Variants in ASB13 observed in about 807,000 individuals in gnomAD.
The protein encoded by ASB13 is ankyrin repeat and SOCS box protein 13.
ASB13 carries 33 observed loss-of-function variants against 28.8 expected under a neutral mutation model. The ratio of observed to expected loss-of-function variants is 1.15; its 90% CI spans 0.87 to 1.53. The LOEUF is 1.53. ASB13 is among the 40% of genes most tolerant of loss of function. The probability of loss-of-function intolerance (pLI) is 0.00; values close to 1 mark genes in which losing one functional copy is unlikely to be tolerated. For synonymous variants in ASB13, 182 were observed against 172.9 expected (o/e 1.05, Z -0.41); for missense variants, 414 against 390.1 (o/e 1.06, Z -0.52).
chr10:5,658,896 C>A lies in ASB13; in HGVS notation c.44-5846G>T, dbSNP rs931597903. Among the ~76,000 whole-genome samples the A allele has an allele frequency of 6.6e-6, 1 of 152,090 alleles. No homozygotes were observed. Among genetic ancestry groups the A allele is most frequent in the Non-Finnish European group, 1.5e-5 (1 of 68,006 alleles). ...GTGCACCTCGTCACCTTTCCTGACA[C>A]CCCCAAACCACCGATGGCCCTTCCA... is the stretch of plus-strand genomic sequence containing the variant. On this transcript the variant is annotated intron_variant, in intron 1 of 5. Coordinates refer to ENST00000357700, the MANE Select transcript of ASB13 (RefSeq NM_024701.4). The surrounding 1 kb of genome is among the most constrained non-coding windows in gnomAD (Gnocchi z 4.2).
chr10:5,646,694 C>T (rs896544173), intron 4 of ASB13, among the ~76,000 whole-genome samples: 1 of 152,174 alleles, frequency 6.6e-6, no homozygotes, highest in Non-Finnish European at 1.5e-5. Flanking sequence ...TCCTGTTACT[C>T]GCAAAGGTGT....
chr10:5,642,008 A>G lies in ASB13; in HGVS notation c.518-47T>C, dbSNP rs1834815804. 6.4e-7 allele frequency: 1 copy of G among 1,568,908 alleles called. No individual in the cohort carries two copies. Among genetic ancestry groups the G allele is most frequent in the Admixed American group, 1.7e-5 (1 of 58,186 alleles). The stretch of plus-strand genomic sequence containing the variant: ...GAGATTTCACCAAGAAGAGAACTTG[A>G]AGTCAGGGGGACAATCAGGTCCGTT... On this transcript the variant is annotated intron_variant, in intron 4 of 5. Transcript: ENST00000357700. This position sits in a 1 kb window ranked among gnomAD's most constrained non-coding sequence, Gnocchi z 4.1.
Position 5,644,138 on chromosome 10 carries a change from T to C in ASB13, c.518-2177A>G, listed in dbSNP as rs1834847852. On this transcript the variant is annotated intron_variant, in intron 4 of 5. Coordinates refer to ENST00000357700, the MANE Select transcript of ASB13 (RefSeq NM_024701.4). The surrounding 1 kb of genome is among the most constrained non-coding windows in gnomAD (Gnocchi z 5.1). ...CAGCTACATGGATGGATCCTGAAAG[T>C]ATAGCACTGAGTGAGCCAAGAAGAG... 6.6e-6 allele frequency among the ~76,000 whole-genome samples: 1 copy of C among 152,200 alleles called. No homozygotes were observed. The highest frequency in any genetic ancestry group is 1.5e-5 in the Non-Finnish European group (1 of 68,040).
In ASB13 at chr10:5,659,004, G is replaced by A. The variant is rs954506422; in HGVS notation, c.44-5954C>T. On this transcript the variant is annotated intron_variant, in intron 1 of 5. Coordinates refer to ENST00000357700, the MANE Select transcript of ASB13 (RefSeq NM_024701.4). The surrounding 1 kb of genome is among the most constrained non-coding windows in gnomAD (Gnocchi z 5.8). ...GAGCAATGTGACTCAGCCCTGCAAT[G>A]GCAGGGTCAGTGTCCCAGGTGAAAA... Among the ~76,000 whole-genome samples, 1 of 152,178 alleles carries A rather than the reference G, an allele frequency of 6.6e-6. No individual in the cohort carries two copies.
Position 5,659,443 on chromosome 10 carries a change from C to T in ASB13, c.44-6393G>A, listed in dbSNP as rs1835124449. On this transcript the variant is annotated intron_variant, in intron 1 of 5. Coordinates refer to ENST00000357700, the MANE Select transcript of ASB13 (RefSeq NM_024701.4). This position sits in a 1 kb window ranked among gnomAD's most constrained non-coding sequence, Gnocchi z 5.8. ...GACCATGCAGTCACAGGCCCTGTCC[C>T]CAGGCTCCCCGTCATGCACACAGCC... is the stretch of plus-strand genomic sequence containing the variant. Among the ~76,000 whole-genome samples the T allele has an allele frequency of 6.6e-6, 1 of 152,186 alleles. No individual in the cohort carries two copies. Among genetic ancestry groups the T allele is most frequent in the Non-Finnish European group, 1.5e-5 (1 of 68,034 alleles).
Position 5,642,589 on chromosome 10 carries a change from TAA to T in ASB13, c.518-630_518-629del, listed in dbSNP as rs1221844800. ...GTAAAGGTAAAAAAAAATTTTTTTT[TAA>T]AAAAAAGAGCAGACATTCAGAAAGA... On this transcript the variant is annotated intron_variant, in intron 4 of 5. Coordinates refer to ENST00000357700, the MANE Select transcript of ASB13 (RefSeq NM_024701.4). The surrounding 1 kb of genome is among the most constrained non-coding windows in gnomAD (Gnocchi z 4.1). 39 of 1,077,128 alleles carry T rather than the reference TAA, an allele frequency of 3.6e-5. No homozygotes were observed. The highest frequency in any genetic ancestry group is 2.6e-4 in the Middle Eastern group (1 of 3,836). 66.7% of individuals were successfully genotyped at this position (1,077,128 alleles called of 1,614,324 possible).
chr10:5,651,298 C>T lies in ASB13; in HGVS notation c.297G>A (p.Glu99=), dbSNP rs1002115001. 1 of 1,614,102 alleles carries T rather than the reference C, an allele frequency of 6.2e-7. No individual in the cohort carries two copies. Among genetic ancestry groups the T allele is most frequent in the Non-Finnish European group, 8.5e-7 (1 of 1,179,984 alleles). Residue 99 remains glutamate, a synonymous_variant, in exon 3 of 6, where the codon GAG becomes GAA. Transcript: ENST00000357700. This position sits in a 1 kb window ranked among gnomAD's most constrained non-coding sequence, Gnocchi z 5.1. The part of the protein sequence containing the change: ...LCDACASGSI[E]CVKLLLSYGA... Reference sequence around the variant, plus strand: ...CGTAGGACAGCAAGAGCTTCACACACTCGATGCTGCCCGAGGCGCAGGCAT... The same window carrying T: ...CGTAGGACAGCAAGAGCTTCACACATTCGATGCTGCCCGAGGCGCAGGCAT...
At position 5,665,310 on chromosome 10, in the gene ASB13, G is replaced by C. The variant is rs550586782; in HGVS notation, c.43+1199C>G. On this transcript the variant is annotated intron_variant, in intron 1 of 5. Coordinates refer to ENST00000357700, the MANE Select transcript of ASB13 (RefSeq NM_024701.4). ...ACACATTCAGCTTATTCATTACACT[G>C]GGAATAAAAAACATCAGCAGAACTT... 3.9e-5 allele frequency among the ~76,000 whole-genome samples: 6 copies of C among 152,140 alleles called. No individual in the cohort carries two copies. The East Asian group carries it at 9.6e-4, about 24-fold the overall frequency.
Position 5,640,651 on chromosome 10 carries a change from G to A in ASB13, c.*52C>T, listed in dbSNP as rs3750643. On this transcript the variant is annotated 3_prime_UTR_variant, in exon 6 of 6. Coordinates refer to ENST00000357700, the MANE Select transcript of ASB13 (RefSeq NM_024701.4). ...AGAGGAACAGGCAGAGCCCTCACCC[G>A]GGCAATGCTGGGCACAACGGGGGCA... 0.014 allele frequency: 22,219 copies of A among 1,609,884 alleles called. 511 individuals carry two copies. Among genetic ancestry groups the A allele is most frequent in the South Asian group, 0.075 (6,771 of 90,788 alleles).
At position 5,651,022 on chromosome 10, in the gene ASB13, C is replaced by T. The variant is rs1478203366; in HGVS notation, c.382+191G>A. On this transcript the variant is annotated intron_variant, in intron 3 of 5. Coordinates refer to ENST00000357700, the MANE Select transcript of ASB13 (RefSeq NM_024701.4). This position sits in a 1 kb window ranked among gnomAD's most constrained non-coding sequence, Gnocchi z 5.1. ...CACCCACCCCAGCCCTGGACGAAGACCTCAAGAAGGGAAAGCTTAGAATCT... is the reference window on the plus strand; with the variant it reads ...CACCCACCCCAGCCCTGGACGAAGATCTCAAGAAGGGAAAGCTTAGAATCT... 6.6e-6 allele frequency among the ~76,000 whole-genome samples: 1 copy of T among 152,198 alleles called. No individual in the cohort carries two copies. Among genetic ancestry groups the T allele is most frequent in the African/African-American group, 2.4e-5 (1 of 41,448 alleles).
rs768244652 is a variant in ASB13 at position 5,641,844 on chromosome 10, T to TC, written c.634dup (p.Asp212GlyfsTer9). On this transcript the variant is annotated frameshift_variant, in exon 5 of 6. Transcript: ENST00000357700. LOFTEE classifies it high-confidence loss of function. The surrounding 1 kb of genome is among the most constrained non-coding windows in gnomAD (Gnocchi z 8.4). The stretch of plus-strand genomic sequence containing the variant: ...GTCAGACGGCTTCTTCCCGCGGTTG[T>TC]CCCGGGCGTAGATGTTGCCGCCAAA... The TC allele has an allele frequency of 6.2e-7, 1 of 1,613,672 alleles. No individual in the cohort carries two copies. The highest frequency in any genetic ancestry group is 1.3e-5 in the African/African-American group (1 of 74,898).
At position 5,652,796 on chromosome 10, in the gene ASB13, C is replaced by T; in HGVS notation, c.231+67G>A. The T allele has an allele frequency of 7.0e-7, 1 of 1,438,160 alleles. No individual in the cohort carries two copies. Among genetic ancestry groups the T allele is most frequent in the Non-Finnish European group, 9.2e-7 (1 of 1,089,280 alleles). The allele number at this position is 1,438,160 out of a possible 1,614,324, so 89.1% of individuals were successfully genotyped here. A position where few individuals can be genotyped will look rare whatever the true frequency, so the allele number is the denominator to read the frequency against. On this transcript the variant is annotated intron_variant, in intron 2 of 5. Coordinates refer to ENST00000357700, the MANE Select transcript of ASB13 (RefSeq NM_024701.4). This position sits in a 1 kb window ranked among gnomAD's most constrained non-coding sequence, Gnocchi z 5.0. ...ATCCTCCCCTCTTTCCCAAGTTCTC[C>T]TGAGTCAACCTCCTCCATTCTGGCA...
In ASB13 at chr10:5,652,763, C is replaced by G; in HGVS notation, c.231+100G>C. The G allele has an allele frequency of 7.8e-7, 1 of 1,277,100 alleles. No individual in the cohort carries two copies. Among genetic ancestry groups the G allele is most frequent in the South Asian group, 1.5e-5 (1 of 65,646 alleles). The allele number at this position is 1,277,100 out of a possible 1,614,324, so 79.1% of individuals were successfully genotyped here. On this transcript the variant is annotated intron_variant, in intron 2 of 5. Transcript: ENST00000357700. The surrounding 1 kb of genome is among the most constrained non-coding windows in gnomAD (Gnocchi z 5.0). ...GTACCTGTGTGCAGTGGACACAGTG[C>G]AGCCCCCATCCTCCCCTCTTTCCCA...
At chr10:5,653,857 T>C (rs1456436848) in intron 1 of ASB13, among the ~76,000 whole-genome samples, 1 of 152,074 alleles carries the variant, frequency 6.6e-6, no homozygotes, top group Non-Finnish European at 1.5e-5. Flanking sequence ...AATTTTTCTA[T>C]TTTCAGTAGA....
rs555690392 is a variant in ASB13, at chr10:5,659,774, C to T, written c.44-6724G>A. Among the ~76,000 whole-genome samples the T allele has an allele frequency of 1.1e-3, 161 of 152,144 alleles. No homozygotes were observed. Among genetic ancestry groups the T allele is most frequent in the African/African-American group, 3.8e-3 (158 of 41,496 alleles). ...ACCTTGGGAATAGTACCACAGCTAGCCAGCCTCCCCACACAGGCTGCTCGT... is the reference window on the plus strand; with the variant it reads ...ACCTTGGGAATAGTACCACAGCTAGTCAGCCTCCCCACACAGGCTGCTCGT... On this transcript the variant is annotated intron_variant, in intron 1 of 5. Coordinates refer to ENST00000357700, the MANE Select transcript of ASB13 (RefSeq NM_024701.4). The surrounding 1 kb of genome is among the most constrained non-coding windows in gnomAD (Gnocchi z 5.8).
rs1212856629 is a variant in ASB13, at chr10:5,652,852, G to A, written c.231+11C>T. 6.6e-7 allele frequency: 1 copy of A among 1,526,634 alleles called. No individual in the cohort carries two copies. The highest frequency in any genetic ancestry group is 1.4e-5 in the African/African-American group (1 of 73,416). 94.6% of individuals were successfully genotyped at this position (1,526,634 alleles called of 1,614,324 possible). ...AGCCAGTCTGGGGGTCTGCCCTGAA[G>A]GGCCACTCACCTGGGCCCCAGCCGC... On this transcript the variant is annotated intron_variant, in intron 2 of 5. Coordinates refer to ENST00000357700, the MANE Select transcript of ASB13 (RefSeq NM_024701.4). The surrounding 1 kb of genome is among the most constrained non-coding windows in gnomAD (Gnocchi z 5.0).
At chr10:5,647,300 T>G (rs570966089) in intron 4 of ASB13, among the ~76,000 whole-genome samples, 1 of 152,284 alleles carries the variant, frequency 6.6e-6, no homozygotes, top group African/African-American at 2.4e-5. Flanking sequence ...ACACCCAGAA[T>G]TTGGATAAGA....
rs1834948359 is a variant in ASB13, at chr10:5,649,317, A to G, written c.383-213T>C. On this transcript the variant is annotated intron_variant, in intron 3 of 5. Transcript: ENST00000357700. This position sits in a 1 kb window ranked among gnomAD's most constrained non-coding sequence, Gnocchi z 6.4. Reference sequence around the variant, plus strand: ...GCGCCCCGCTGAGGACGGAGGGCTCAAGGCAGTGGGAGAAACGGGCCTGGC... The same window carrying G: ...GCGCCCCGCTGAGGACGGAGGGCTCGAGGCAGTGGGAGAAACGGGCCTGGC... 6.6e-6 allele frequency among the ~76,000 whole-genome samples: 1 copy of G among 152,146 alleles called. No individual in the cohort carries two copies. Among genetic ancestry groups the G allele is most frequent in the Non-Finnish European group, 1.5e-5 (1 of 68,020 alleles).
rs1017517379 is a variant in ASB13, at chr10:5,652,945, A to T, written c.149T>A (p.Val50Glu). Residue 50 changes from valine to glutamate, a missense_variant, in exon 2 of 6, where the codon GTG (valine) becomes GAG (glutamate). Coordinates refer to ENST00000357700, the MANE Select transcript of ASB13 (RefSeq NM_024701.4). The surrounding 1 kb of genome is among the most constrained non-coding windows in gnomAD (Gnocchi z 5.0). ...TGCGTGCAGGGGCGTGATGGAGTCC[A>T]CGGTGACCTGGTTCACGCAGGCGCC... is the stretch of plus-strand genomic sequence containing the variant. ...ESGACVNQVTVDSITPLHAAS... is the reference protein window; with the variant it reads ...ESGACVNQVTEDSITPLHAAS... 1 of 1,580,774 alleles carries T rather than the reference A, an allele frequency of 6.3e-7. No homozygotes were observed. The highest frequency in any genetic ancestry group is 1.3e-5 in the African/African-American group (1 of 74,478).
Sources: gnomAD v4.1 joint callset for allele counts (sites outside exome capture counted in the v4.1 genomes callset) on GRCh38, gnomAD v4.1.1 for gene constraint, Gnocchi (gnomAD v3.1) non-coding constraint, MANE v1.5 for transcripts, NCBI Gene and HGNC (gene_info 2026-07-23, HGNC 2026-07-21) for gene names.